The following LEMD3 variants were observed in gnomAD, a reference collection of about 807,000 sequenced individuals.
The protein encoded by LEMD3 is LEM domain containing 3.
A neutral mutation model predicts 95.2 loss-of-function variants in LEMD3; 33 were observed. The observed-to-expected ratio is 0.35, with a 90% CI of 0.26 to 0.46. LEMD3 has a LOEUF of 0.46. LEMD3 is among the 20% of genes least tolerant of loss of function. The pLI is 1.00. For missense variants in LEMD3, 1,210 were observed against 1,192.8 expected, an observed-to-expected ratio of 1.01 and a Z score of -0.21; for synonymous variants, 525 against 474.6, an observed-to-expected ratio of 1.11 and a Z score of -1.38.
rs764473245 is a variant in LEMD3 at position 65,169,629 on chromosome 12, G to T, written c.33G>T (p.Gln11His). Residue 11 changes from glutamine (Q) to histidine (H), a missense_variant, in exon 1 of 13, where the codon CAG (glutamine) becomes CAT (histidine). Physicochemically the swap from Gln to His is conservative, Grantham distance 24 (BLOSUM62 0). Transcript: ENST00000308330. Reference sequence around the variant, plus strand: ...CGGCAGCAGCTTCGGCGCCTCAGCAGCTCTCGGATGAGGAGCTTTTCTCTC... The same window carrying T: ...CGGCAGCAGCTTCGGCGCCTCAGCATCTCTCGGATGAGGAGCTTTTCTCTC... MAAAAASAPQ[Q>H]LSDEELFSQL... The T allele has an allele frequency of 2.5e-6, 4 of 1,589,474 alleles. No individual in the cohort carries two copies. The South Asian group carries it at 3.4e-5, about 14-fold the overall frequency.
chr12:65,237,029 T>C (rs1870793898), intron 4 of LEMD3, among the ~76,000 whole-genome samples: 1 of 152,142 alleles, frequency 6.6e-6, no homozygotes, highest in Non-Finnish European at 1.5e-5. Context: ...TATACATTTA[T>C]ATGTTTTTGT....
At chr12:65,187,636 A>G (rs1301418813) in intron 1 of LEMD3, among the ~76,000 whole-genome samples, 1 of 152,062 alleles carries the variant, frequency 6.6e-6, no homozygotes, top group Non-Finnish European at 1.5e-5. Flanking sequence ...CTAGACTAGG[A>G]GTTCTTAAAC....
chr12:65,229,858 G>T (rs1171562831), intron 4 of LEMD3, among the ~76,000 whole-genome samples: 1 of 152,018 alleles, frequency 6.6e-6, no homozygotes, highest in Non-Finnish European at 1.5e-5. Context: ...ATTTATTTTT[G>T]CATTTGTGTC....
At chr12:65,179,391 T>C (rs1868832222) in intron 1 of LEMD3, among the ~76,000 whole-genome samples, 1 of 152,188 alleles carries the variant, frequency 6.6e-6, no homozygotes, top group Non-Finnish European at 1.5e-5. Context: ...TCCTTGCTCA[T>C]TGATTATTCA....
chr12:65,234,268 A>G (rs1592460085), intron 4 of LEMD3, among the ~76,000 whole-genome samples: 1 of 152,188 alleles, frequency 6.6e-6, no homozygotes, highest in Non-Finnish European at 1.5e-5. Flanking sequence ...TGCACAGCTT[A>G]AAGTGTTTAC....
chr12:65,235,991 A>G (rs961324321), intron 4 of LEMD3, among the ~76,000 whole-genome samples: 1 of 152,228 alleles, frequency 6.6e-6, no homozygotes, highest in Non-Finnish European at 1.5e-5. Context: ...AAATCCTAAT[A>G]GTAGTTTCAT....
chr12:65,243,882 A>G (rs1241143114), intron 10 of LEMD3, among the ~76,000 whole-genome samples: 1 of 152,220 alleles, frequency 6.6e-6, no homozygotes, highest in Non-Finnish European at 1.5e-5. Context: ...AGTTTCCTAC[A>G]AAGATGTATA....
intron 4 of LEMD3, among the ~76,000 whole-genome samples, chr12:65,228,662 C>T (rs1360983900): frequency 2.6e-5 from 4 of 152,138 alleles, no homozygotes; most frequent in Admixed American, 2.6e-4. Context: ...TCCCAGGGTG[C>T]TGGGATTACA....
intron 1 of LEMD3, among the ~76,000 whole-genome samples, chr12:65,172,833 C>T (rs956736777): frequency 1.2e-4 from 18 of 151,718 alleles, no homozygotes; most frequent in Non-Finnish European, 2.1e-4. Context: ...TCAAGTGATT[C>T]TCCTGCCTCA....
rs954067307 is a variant in LEMD3, at chr12:65,171,054, A to G, written c.1458A>G (p.Leu486=). Residue 486 remains leucine (L), a synonymous_variant, in exon 1 of 13, where the codon CTA becomes CTG. Transcript: ENST00000308330. ...FLLTAACLFF[L]ILGLTYLGMR... ...TAACTGCTGCCTGCTTATTTTTCCT[A>G]ATACTGGGACTGACTTACCTAGGAA... 1 of 1,613,980 alleles carries G rather than the reference A, an allele frequency of 6.2e-7. No homozygotes were observed. The highest frequency in any genetic ancestry group is 1.1e-5 in the South Asian group (1 of 91,088).
At chr12:65,227,024 C>A (rs1870468822) in intron 4 of LEMD3, among the ~76,000 whole-genome samples, 1 of 137,840 alleles carries the variant, frequency 7.3e-6, no homozygotes, top group African/African-American at 2.6e-5. Flanking sequence ...AGCTAATAGA[C>A]TGGACAGTTA....
rs1475230085 is a variant in LEMD3 at position 65,240,392 on chromosome 12, C to G, written c.2126+154C>G. Among the ~76,000 whole-genome samples, 3 of 152,142 alleles carry G rather than the reference C, an allele frequency of 2.0e-5. No homozygotes were observed. In the South Asian group the frequency reaches 6.2e-4, roughly 31 times the overall value. ...TTGCTTTGTTTTTGTACTTTATACT[C>G]TCTTTCTAAATTCTCTTCCATTCTC... On this transcript the variant is annotated intron_variant, in intron 8 of 12. Transcript: ENST00000308330.
At chr12:65,208,119 A>C (rs2136334254) in intron 1 of LEMD3, among the ~76,000 whole-genome samples, 1 of 152,266 alleles carries the variant, frequency 6.6e-6, no homozygotes, top group South Asian at 2.1e-4. Context: ...GAATAGTTTA[A>C]AGGGAAAAGA....
At chr12:65,196,513 G>A (rs1239515951) in intron 1 of LEMD3, among the ~76,000 whole-genome samples, 1 of 151,310 alleles carries the variant, frequency 6.6e-6, no homozygotes, top group Non-Finnish European at 1.5e-5. Flanking sequence ...ACATAAAATT[G>A]GCTGACGTTC....
intron 1 of LEMD3, among the ~76,000 whole-genome samples, chr12:65,187,096 C>T (rs1410884467): frequency 6.6e-6 from 1 of 152,026 alleles, no homozygotes; most frequent in African/African-American, 2.4e-5. Flanking sequence ...TGAATAAAAG[C>T]AGATAAACTT....
intron 1 of LEMD3, among the ~76,000 whole-genome samples, chr12:65,180,948 T>G (rs1158975897): frequency 6.8e-6 from 1 of 147,644 alleles, no homozygotes; most frequent in Non-Finnish European, 1.5e-5. Context: ...AAAATTAATT[T>G]TGTTTCTCAG....
chr12:65,192,857 A>G (rs1366121369), intron 1 of LEMD3, among the ~76,000 whole-genome samples: 5 of 152,218 alleles, frequency 3.3e-5, no homozygotes, highest in Non-Finnish European at 4.4e-5. Flanking sequence ...CCAATAGTGT[A>G]AGTTAACAGA....
chr12:65,192,846 T>C (rs1869287226), intron 1 of LEMD3, among the ~76,000 whole-genome samples: 1 of 152,210 alleles, frequency 6.6e-6, no homozygotes, highest in Non-Finnish European at 1.5e-5. Context: ...TTAGCAAAAC[T>C]CCAATAGTGT....
At chr12:65,212,296 G>T (rs1178942873) in intron 2 of LEMD3, among the ~76,000 whole-genome samples, 1 of 152,162 alleles carries the variant, frequency 6.6e-6, no homozygotes, top group African/African-American at 2.4e-5. Flanking sequence ...TAAGATTTGG[G>T]TGGGGACACA....
Sources: gnomAD v4.1 joint callset for allele counts (sites outside exome capture counted in the v4.1 genomes callset) on GRCh38, gnomAD v4.1.1 for gene constraint, MANE v1.5 for transcripts, NCBI Gene and HGNC (gene_info 2026-07-23, HGNC 2026-07-21) for gene names.